The following LRP1B variants were observed in gnomAD, a reference collection of about 807,000 sequenced individuals.
LRP1B encodes low-density lipoprotein receptor-related protein 1B.
Under a neutral mutation model 556.6 loss-of-function variants are expected in LRP1B, and 217 were observed. The ratio of observed to expected loss-of-function variants is 0.39; its 90% CI spans 0.35 to 0.44. LRP1B has a LOEUF of 0.44. Among genes scored for constraint, LRP1B ranks in the 20% least tolerant of loss-of-function variants. The probability of loss-of-function intolerance (pLI) is 1.00; values close to 1 mark genes in which losing one functional copy is unlikely to be tolerated. For synonymous variants in LRP1B, 2,047 were observed against 1,865.8 expected, an observed-to-expected ratio of 1.10 and a Z score of -2.50; for missense variants, 5,053 against 5,620.8, an observed-to-expected ratio of 0.90 and a Z score of 3.23.
At chr2:141,448,843 G>A (rs942552976) in intron 3 of LRP1B, among the ~76,000 whole-genome samples, 1 of 152,128 alleles carries the variant, frequency 6.6e-6, no homozygotes, top group African/African-American at 2.4e-5. Context: ...TTCCTATTTG[G>A]CCATCTTGCC....
At chr2:141,969,177 T>C (rs1443595399) in intron 1 of LRP1B, among the ~76,000 whole-genome samples, 1 of 151,476 alleles carries the variant, frequency 6.6e-6, no homozygotes, top group Non-Finnish European at 1.5e-5. Flanking sequence ...CAAAGTGATA[T>C]TATGATTCAT....
At chr2:140,236,084 A>G (rs561304822) in intron 89 of LRP1B, among the ~76,000 whole-genome samples, 2 of 151,062 alleles carry the variant, frequency 1.3e-5, no homozygotes, top group Non-Finnish European at 3.0e-5. Flanking sequence ...AGTGAATTTT[A>G]ATAACTATAA....
chr2:140,469,717 T>C (rs1436663512), intron 60 of LRP1B, among the ~76,000 whole-genome samples: 2 of 152,330 alleles, frequency 1.3e-5, no homozygotes, highest in African/African-American at 4.8e-5. Context: ...GCTATAACTA[T>C]TAATATTAGA....
intron 50 of LRP1B, among the ~76,000 whole-genome samples, chr2:140,516,513 G>C (rs1689907997): frequency 6.6e-6 from 1 of 151,996 alleles, no homozygotes; most frequent in Non-Finnish European, 1.5e-5. Context: ...ACCAATAATA[G>C]GTGGGGGAAA....
intron 1 of LRP1B, among the ~76,000 whole-genome samples, chr2:142,093,049 C>T (rs2104953398): frequency 6.6e-6 from 1 of 152,160 alleles, no homozygotes; most frequent in Non-Finnish European, 1.5e-5. Context: ...TTCAGTACCT[C>T]CAAAGTCTCC....
intron 3 of LRP1B, among the ~76,000 whole-genome samples, chr2:141,407,904 C>T (rs1014094171): frequency 6.6e-6 from 1 of 152,050 alleles, no homozygotes; most frequent in Non-Finnish European, 1.5e-5. Flanking sequence ...AGAAAGCCAC[C>T]TTCATTATTG....
At chr2:141,296,875 A>G (rs1234298741) in intron 3 of LRP1B, among the ~76,000 whole-genome samples, 1 of 152,092 alleles carries the variant, frequency 6.6e-6, no homozygotes, top group Non-Finnish European at 1.5e-5. Flanking sequence ...TCCCTGCTCT[A>G]GTAGTCCCTA....
chr2:140,766,866 A>ATATAT (rs1203989037), intron 35 of LRP1B, among the ~76,000 whole-genome samples: 1 of 116,362 alleles, frequency 8.6e-6, no homozygotes, highest in African/African-American at 3.0e-5. Context: ...ATATATATAT[A>ATATAT]ATATATATAA....
At chr2:140,814,671 G>T (rs2105039357) in intron 31 of LRP1B, among the ~76,000 whole-genome samples, 1 of 152,236 alleles carries the variant, frequency 6.6e-6, no homozygotes, top group South Asian at 2.1e-4. Context: ...ATCCAAAAAT[G>T]GAAGATTTTC....
chr2:141,861,964 G>C lies in LRP1B; in HGVS notation c.83-51563C>G, dbSNP rs1338622625. On this transcript the variant is annotated intron_variant, in intron 1 of 90. Coordinates refer to ENST00000389484, the MANE Select transcript of LRP1B (RefSeq NM_018557.3). ...AGAAAAAAAGAAAAACAAAATTACA[G>C]ACCCCTTATGTTGACCTGAATTATG... is the stretch of plus-strand genomic sequence containing the variant. Among the ~76,000 whole-genome samples the C allele has an allele frequency of 2.6e-5, 4 of 151,544 alleles. No individual in the cohort carries two copies. In the East Asian group the frequency reaches 7.8e-4, roughly 29 times the overall value.
In LRP1B at chr2:141,583,417, G is replaced by T. The variant is rs528109813; in HGVS notation, c.206-102884C>A. 7.8e-4 allele frequency among the ~76,000 whole-genome samples: 118 copies of T among 152,020 alleles called. 1 individual carries two copies. Among genetic ancestry groups the T allele is most frequent in the African/African-American group, 2.7e-3 (113 of 41,490 alleles). ...GAAAATACAAGAAGTTTTGCTTATG[G>T]CAAAACAAATGAAATACCGATCATC... On this transcript the variant is annotated intron_variant, in intron 2 of 90. Transcript: ENST00000389484.
intron 43 of LRP1B, among the ~76,000 whole-genome samples, chr2:140,588,868 G>A (rs181058245): frequency 6.6e-6 from 1 of 151,796 alleles, no homozygotes; most frequent in Non-Finnish European, 1.5e-5. Flanking sequence ...GCTGAGGCAG[G>A]AGAATCTCTT....
chr2:140,757,709 C>T (rs1312363493), intron 35 of LRP1B, among the ~76,000 whole-genome samples: 1 of 152,080 alleles, frequency 6.6e-6, no homozygotes, highest in Non-Finnish European at 1.5e-5. Context: ...GGCAAAACCG[C>T]ATCTCTGCTA....
chr2:141,607,682 T>A (rs1469578971), intron 2 of LRP1B, among the ~76,000 whole-genome samples: 1 of 150,266 alleles, frequency 6.7e-6, no homozygotes, highest in Non-Finnish European at 1.5e-5. Flanking sequence ...ACTTTGGGAG[T>A]CTGAGGCAGG....
intron 82 of LRP1B, among the ~76,000 whole-genome samples, chr2:140,321,694 AT>A (rs1680142901): frequency 1.3e-5 from 2 of 152,010 alleles, no homozygotes; most frequent in Non-Finnish European, 2.9e-5. Context: ...TATAAAAAAA[AT>A]CTCTTTTGGG....
chr2:140,808,719 G>C (rs147644990), intron 32 of LRP1B, among the ~76,000 whole-genome samples: 85 of 152,254 alleles, frequency 5.6e-4, no homozygotes, highest in Admixed American at 2.0e-3. Flanking sequence ...AAGAATGAAA[G>C]AATGAATGGC....
At chr2:141,795,859 T>A (rs71348771) in intron 2 of LRP1B, among the ~76,000 whole-genome samples, 37,697 of 74,892 alleles carry the variant, frequency 0.5, 7,415 homozygotes, top group South Asian at 0.58. Flanking sequence ...CCAGGAGCAA[T>A]ATATATATAT....
intron 3 of LRP1B, among the ~76,000 whole-genome samples, chr2:141,277,556 G>C (rs1685347503): frequency 6.6e-6 from 1 of 152,034 alleles, no homozygotes. Context: ...TAACTGAACA[G>C]CAAAGCCATG....
intron 3 of LRP1B, among the ~76,000 whole-genome samples, chr2:141,256,619 T>C (rs975631238): frequency 2.0e-5 from 3 of 152,086 alleles, no homozygotes; most frequent in Non-Finnish European, 2.9e-5. Context: ...TATGAATCTT[T>C]GCCTAGAAAG....
Sources: allele counts gnomAD v4.1 joint callset (sites outside exome capture counted in the v4.1 genomes callset), GRCh38; gene constraint gnomAD v4.1.1; transcripts MANE v1.5; gene names NCBI Gene and HGNC (gene_info 2026-07-23, HGNC 2026-07-21).